The following USH2A variants were observed in gnomAD, a reference collection of about 807,000 sequenced individuals.
USH2A encodes the protein usherin.
In USH2A, 443 loss-of-function variants were observed where a neutral mutation model predicts 538.9. The ratio of observed to expected loss-of-function variants is 0.82; its 90% CI spans 0.76 to 0.89. USH2A has a LOEUF of 0.89. Among genes scored for constraint, USH2A ranks in the 40% least tolerant of loss-of-function variants. The pLI is 0.00. For missense variants in USH2A, 6,633 were observed against 6,324.8 expected (o/e 1.05, Z -1.65); for synonymous variants, 2,413 against 2,273.5 (o/e 1.06, Z -1.75).
chr1:215,682,320 A>T (rs571750111), intron 61 of USH2A, among the ~76,000 whole-genome samples: 19 of 152,322 alleles, frequency 1.2e-4, no homozygotes, highest in African/African-American at 4.6e-4. Flanking sequence ...AAGAAACATG[A>T]AAAGCATGTG....
chr1:215,647,101 T>C (rs1023816690), intron 67 of USH2A, among the ~76,000 whole-genome samples: 1 of 152,254 alleles, frequency 6.6e-6, no homozygotes, highest in Admixed American at 6.5e-5. Flanking sequence ...TTGATTGCTC[T>C]TTCCTTCACT....
chr1:216,134,033 C>T (rs2033431081), intron 21 of USH2A, among the ~76,000 whole-genome samples: 1 of 152,042 alleles, frequency 6.6e-6, no homozygotes, highest in Admixed American at 6.6e-5. Flanking sequence ...GCATTGTGTT[C>T]TGTTTGCCAG....
chr1:216,047,636 G>A (rs1446358337), intron 31 of USH2A, among the ~76,000 whole-genome samples: 1 of 152,124 alleles, frequency 6.6e-6, no homozygotes, highest in Non-Finnish European at 1.5e-5. Flanking sequence ...CATATCTTCA[G>A]TGCAAGTGGT....
At chr1:216,106,436 T>A (rs2032734087) in intron 21 of USH2A, among the ~76,000 whole-genome samples, 2 of 151,300 alleles carry the variant, frequency 1.3e-5, no homozygotes, top group South Asian at 4.2e-4. Flanking sequence ...GTGAAATGTC[T>A]TTCAGCTGTA....
Position 215,634,576 on chromosome 1 carries a change from G to C in USH2A, c.15180C>G (p.Ser5060=). 6.2e-7 allele frequency: 1 copy of C among 1,614,014 alleles called. No individual in the cohort carries two copies. Reference sequence around the variant, plus strand: ...TGTGGATTTTTCTTTGTAGTATCAGGGACAGAAAAATGGCCAACAAGATCA... The same window carrying C: ...TGTGGATTTTTCTTTGTAGTATCAGCGACAGAAAAATGGCCAACAAGATCA... ...LGLILLAIFL[S]LILQRKIHKE... is the part of the protein sequence containing the mutation. The change falls in exon 70 of 72, where the codon TCC becomes TCG. Residue 5060 remains serine, a synonymous_variant. Transcript: ENST00000307340.
At chr1:216,263,849 AG>A (rs1482267228) in intron 11 of USH2A, among the ~76,000 whole-genome samples, 2 of 152,260 alleles carry the variant, frequency 1.3e-5, no homozygotes, top group East Asian at 3.9e-4. Context: ...TACAGATGAC[AG>A]GATCTTATAT....
At chr1:215,801,199 G>A (rs6685803) in intron 49 of USH2A, among the ~76,000 whole-genome samples, 2 of 151,770 alleles carry the variant, frequency 1.3e-5, no homozygotes, top group Non-Finnish European at 2.9e-5. Context: ...AGTGAAAGAC[G>A]GAAAACTTTT....
rs72744664 is a variant in USH2A, at chr1:216,003,060, A to G, written c.6326-2498T>C. On this transcript the variant is annotated intron_variant, in intron 32 of 71. Coordinates refer to ENST00000307340, the MANE Select transcript of USH2A (RefSeq NM_206933.4). ...TGAAGCAATTAGTTCAGGATTTGTT[A>G]TCCGTGCCCGGATTCTTCCATGGAG... Among the ~76,000 whole-genome samples the G allele has an allele frequency of 7.6e-3, 1,163 of 152,154 alleles. 7 individuals are homozygous for G. Among genetic ancestry groups the G allele is most frequent in the Non-Finnish European group, 0.013 (862 of 67,992 alleles).
chr1:216,101,356 A>C (rs1176558318), intron 21 of USH2A, among the ~76,000 whole-genome samples: 1 of 152,244 alleles, frequency 6.6e-6, no homozygotes, highest in Non-Finnish European at 1.5e-5. Flanking sequence ...TAACTATTCA[A>C]AATTATTAAC....
At chr1:216,271,374 A>G (rs1187561311) in intron 11 of USH2A, among the ~76,000 whole-genome samples, 1 of 152,082 alleles carries the variant, frequency 6.6e-6, no homozygotes, top group African/African-American at 2.4e-5. Flanking sequence ...GGCTTTACGA[A>G]GGAGAGTAGT....
chr1:216,377,773 GAAATAA>G (rs1351745561), intron 3 of USH2A, among the ~76,000 whole-genome samples: 10 of 119,426 alleles, frequency 8.4e-5, no homozygotes, highest in African/African-American at 9.8e-5. Context: ...GAGAAGGAAA[GAAATAA>G]AAAGAAAGAA....
intron 11 of USH2A, among the ~76,000 whole-genome samples, chr1:216,265,878 G>T (rs1049190105): frequency 6.6e-6 from 1 of 151,998 alleles, no homozygotes; most frequent in Admixed American, 6.6e-5. Context: ...GTCGAATAGT[G>T]GTTACTGGAG....
Position 216,214,046 on chromosome 1 carries a change from C to A in USH2A, c.3157+3341G>T, listed in dbSNP as rs117482101. Among the ~76,000 whole-genome samples the A allele has an allele frequency of 3.6e-4, 54 of 152,106 alleles. 2 individuals are homozygous for A. In the East Asian group the frequency reaches 0.01, roughly 28 times the overall value. On this transcript the variant is annotated intron_variant, in intron 15 of 71. Coordinates refer to ENST00000307340, the MANE Select transcript of USH2A (RefSeq NM_206933.4). ...TGGCTATAATGAAATAGAGTCAATG[C>A]CAAATGTTGCTGAGACCATAGAGTA...
intron 21 of USH2A, among the ~76,000 whole-genome samples, chr1:216,127,036 A>G (rs2033268633): frequency 6.6e-6 from 1 of 152,208 alleles, no homozygotes; most frequent in Admixed American, 6.5e-5. Context: ...TTCGGATACA[A>G]CTATCTTAGC....
intron 4 of USH2A, among the ~76,000 whole-genome samples, chr1:216,362,928 A>C (rs2038521677): frequency 6.6e-6 from 1 of 150,838 alleles, no homozygotes; most frequent in Non-Finnish European, 1.5e-5. Context: ...GACAAGAGCG[A>C]AACTCCCTGT....
At position 216,038,001 on chromosome 1, in the gene USH2A, C is replaced by T. The variant is rs181866330; in HGVS notation, c.6325+8430G>A. On this transcript the variant is annotated intron_variant, in intron 32 of 71. Transcript: ENST00000307340. ...ATGTCCTCAACTTTAATTTTTCAGT[C>T]AGAATTGTACAAAGTGAACCAATTG... Among the ~76,000 whole-genome samples the T allele has an allele frequency of 2.0e-5, 3 of 152,024 alleles. No homozygotes were observed. In the East Asian group the frequency reaches 5.8e-4, roughly 29 times the overall value.
intron 37 of USH2A, among the ~76,000 whole-genome samples, chr1:215,958,545 A>T (rs1006843894): frequency 9.9e-5 from 15 of 152,036 alleles, no homozygotes; most frequent in African/African-American, 3.6e-4. Flanking sequence ...TGAGATATGG[A>T]CTCCAATTAT....
intron 37 of USH2A, among the ~76,000 whole-genome samples, chr1:215,947,611 T>C (rs1666790871): frequency 6.6e-6 from 1 of 152,190 alleles, no homozygotes; most frequent in Non-Finnish European, 1.5e-5. Context: ...AGATTCTGTT[T>C]AATACATTGC....
At chr1:216,254,393 A>G (rs2036221515) in intron 11 of USH2A, among the ~76,000 whole-genome samples, 1 of 152,118 alleles carries the variant, frequency 6.6e-6, no homozygotes, top group African/African-American at 2.4e-5. Flanking sequence ...AAGTAGAAAG[A>G]GAGAAAGGCA....
Sources: gnomAD v4.1 joint callset for allele counts (sites outside exome capture counted in the v4.1 genomes callset) on GRCh38, gnomAD v4.1.1 for gene constraint, MANE v1.5 for transcripts, NCBI Gene and HGNC (gene_info 2026-07-23, HGNC 2026-07-21) for gene names.